Variants in SPMIP2 observed in about 807,000 individuals in gnomAD.
SPMIP2 encodes sperm microtubule inner protein 2.
chr4:158,895,446 G>GT, the SPMIP2 span, among the ~76,000 whole-genome samples: 1 of 152,102 alleles, frequency 6.6e-6, no homozygotes, highest in Non-Finnish European at 1.5e-5. Context: ...TTATTATAAA[G>GT]TTTTTTAAAG....
At chr4:158,909,639 A>G in the SPMIP2 span, among the ~76,000 whole-genome samples, 1 of 149,534 alleles carries the variant, frequency 6.7e-6, no homozygotes, top group African/African-American at 2.5e-5. Flanking sequence ...CAGTGGCATG[A>G]TCATAGCTCG....
chr4:158,976,659 A>ATTTTTTTTTTTTTT, the SPMIP2 span, among the ~76,000 whole-genome samples: 3 of 94,732 alleles, frequency 3.2e-5, no homozygotes, highest in African/African-American at 4.8e-5. Flanking sequence ...ATGGATAAGC[A>ATTTTTTTTTTTTTT]TTTTTTTTTT....
the SPMIP2 span, among the ~76,000 whole-genome samples, chr4:159,050,404 G>A: frequency 1.3e-5 from 2 of 149,600 alleles, no homozygotes; most frequent in South Asian, 2.1e-4. Flanking sequence ...GAAGGGAGGG[G>A]GAAGAAAGGG....
chr4:158,941,256 A>G, the SPMIP2 span, among the ~76,000 whole-genome samples: 3 of 152,212 alleles, frequency 2.0e-5, no homozygotes, highest in Admixed American at 6.5e-5. Context: ...CTGGTACTCA[A>G]TCAAACCAGG....
the SPMIP2 span, chr4:159,026,285 C>T: frequency 3.5e-6 from 2 of 572,340 alleles, no homozygotes; most frequent in Non-Finnish European, 6.7e-6. Context: ...ACCATAAAAA[C>T]TCAGAGCACT....
chr4:159,051,494 C>T, the SPMIP2 span, among the ~76,000 whole-genome samples: 1 of 152,174 alleles, frequency 6.6e-6, no homozygotes, highest in African/African-American at 2.4e-5. Flanking sequence ...ATTACTAAAG[C>T]GTCACATTCA....
the SPMIP2 span, among the ~76,000 whole-genome samples, chr4:158,903,998 T>C: frequency 1.3e-5 from 2 of 152,390 alleles, no homozygotes; most frequent in Admixed American, 6.5e-5. Flanking sequence ...GTATAAACTT[T>C]GAACAAATTC....
chr4:158,996,540 T>C, the SPMIP2 span, among the ~76,000 whole-genome samples: 1 of 152,190 alleles, frequency 6.6e-6, no homozygotes, highest in Non-Finnish European at 1.5e-5. Context: ...AGGAAATCCA[T>C]TGCAAAATTG....
chr4:159,065,483 C>T, the SPMIP2 span, among the ~76,000 whole-genome samples: 13 of 152,060 alleles, frequency 8.5e-5, no homozygotes, highest in African/African-American at 2.9e-4. Context: ...TTTGGGAGGC[C>T]AAGGCTGGCA....
At chr4:158,977,469 T>C in the SPMIP2 span, among the ~76,000 whole-genome samples, 10 of 152,168 alleles carry the variant, frequency 6.6e-5, no homozygotes, top group Non-Finnish European at 1.5e-5. Flanking sequence ...TTGCATCTAT[T>C]TGAATATTCT....
chr4:159,061,110 CAT>C, the SPMIP2 span, among the ~76,000 whole-genome samples: 58,875 of 143,612 alleles, frequency 0.41, 12,316 homozygotes, highest in East Asian at 0.6. Context: ...TATATATATA[CAT>C]ATATATATAT....
the SPMIP2 span, among the ~76,000 whole-genome samples, chr4:159,063,735 A>T: frequency 4.8e-4 from 73 of 152,334 alleles, no homozygotes; most frequent in Middle Eastern, 3.4e-3. Context: ...TTTGTAATTT[A>T]TCACTATATA....
chr4:158,915,294 A>G, the SPMIP2 span: 1 of 1,613,686 alleles, frequency 6.2e-7, no homozygotes, highest in Non-Finnish European at 8.5e-7. Flanking sequence ...GAAAGCACTC[A>G]TATGCCAGGC....
chr4:159,010,664 G>A, the SPMIP2 span, among the ~76,000 whole-genome samples: 1 of 152,162 alleles, frequency 6.6e-6, no homozygotes, highest in Non-Finnish European at 1.5e-5. Context: ...GCTACCATGT[G>A]GCCCAATCGG....
the SPMIP2 span, among the ~76,000 whole-genome samples, chr4:158,972,851 T>C: frequency 1.3e-3 from 203 of 152,362 alleles, 1 homozygote; most frequent in East Asian, 0.018. Context: ...ACAAACGCTT[T>C]TGGATTATCC....
chr4:159,001,365 C>G, the SPMIP2 span, among the ~76,000 whole-genome samples: 4 of 152,156 alleles, frequency 2.6e-5, no homozygotes, highest in East Asian at 7.7e-4. Context: ...TTTTAAAAAA[C>G]TTTTATTTTA....
the SPMIP2 span, among the ~76,000 whole-genome samples, chr4:158,950,117 C>G: frequency 6.6e-6 from 1 of 152,178 alleles, no homozygotes; most frequent in Admixed American, 6.5e-5. Flanking sequence ...TAAGACAAAT[C>G]TATAAATCAG....
At chr4:159,033,627 G>A in the SPMIP2 span, among the ~76,000 whole-genome samples, 3 of 152,108 alleles carry the variant, frequency 2.0e-5, no homozygotes, top group South Asian at 6.2e-4. Flanking sequence ...AAAGGCAAAA[G>A]GAATTGCAGA....
chr4:158,972,128 G>A, the SPMIP2 span, among the ~76,000 whole-genome samples: 75 of 152,276 alleles, frequency 4.9e-4, no homozygotes, highest in African/African-American at 1.6e-3. Context: ...TTGGGAGGCC[G>A]ACGCAGGTGG....
Sources: allele counts gnomAD v4.1 joint callset (sites outside exome capture counted in the v4.1 genomes callset), GRCh38; gene constraint gnomAD v4.1.1; transcripts MANE v1.5; gene names NCBI Gene and HGNC (gene_info 2026-07-23, HGNC 2026-07-21).